STX18: variants seen among roughly 807,000 people sequenced by gnomAD.
STX18 encodes the protein syntaxin 18.
STX18 carries 40 observed loss-of-function variants against 50.1 expected under a neutral mutation model. The observed-to-expected ratio is 0.80, with a 90% CI of 0.62 to 1.04. The LOEUF is 1.04. STX18 is among the 50% of genes least tolerant of loss of function. STX18 has a pLI of 0.00. For synonymous variants in STX18, 158 were observed against 151.8 expected (o/e 1.04, Z -0.30); for missense variants, 410 against 415.8 (o/e 0.99, Z 0.12).
chr4:4,419,929 T>G lies in STX18; in HGVS notation c.*105A>C, dbSNP rs1724837985. 1.1e-6 allele frequency: 1 copy of G among 916,660 alleles called. No individual in the cohort carries two copies. The highest frequency in any genetic ancestry group is 2.7e-5 in the East Asian group (1 of 37,626). The allele number at this position is 916,660 out of a possible 1,614,324, so 56.8% of individuals were successfully genotyped here. A position where few individuals can be genotyped will look rare whatever the true frequency, so the allele number is the denominator to read the frequency against. ...GAACTCCTTTCCCTTCAAATGGCAC[T>G]GTGATAAAATCTGGTCATACCATGC... is the stretch of plus-strand genomic sequence containing the variant. On this transcript the variant is annotated 3_prime_UTR_variant, in exon 11 of 11. Coordinates refer to ENST00000306200, the MANE Select transcript of STX18 (RefSeq NM_016930.4).
At chr4:4,427,283 C>T (rs1277408837) in intron 7 of STX18, among the ~76,000 whole-genome samples, 2 of 152,222 alleles carry the variant, frequency 1.3e-5, no homozygotes, top group African/African-American at 4.8e-5. Context: ...GGAAAGCTCC[C>T]TGCAGGACCA....
chr4:4,540,956 T>G (rs967692147), intron 1 of STX18, among the ~76,000 whole-genome samples: 20 of 152,330 alleles, frequency 1.3e-4, no homozygotes, highest in African/African-American at 4.3e-4. Context: ...TTTTTATTTC[T>G]TGAAGAGGGC....
At chr4:4,437,535 A>C in intron 6 of STX18, 1 of 891,422 alleles carries the variant, frequency 1.1e-6, no homozygotes, top group Non-Finnish European at 1.3e-6. Context: ...CCCTAAATCC[A>C]AAACACTTCT....
chr4:4,466,778 C>G (rs1727640036), intron 2 of STX18, among the ~76,000 whole-genome samples: 1 of 152,170 alleles, frequency 6.6e-6, no homozygotes, highest in Admixed American at 6.5e-5. Flanking sequence ...GCTGATTTAT[C>G]AAGACAGGGG....
chr4:4,511,282 C>T (rs1394646257), intron 1 of STX18, among the ~76,000 whole-genome samples: 1 of 152,214 alleles, frequency 6.6e-6, no homozygotes, highest in African/African-American at 2.4e-5. Context: ...GCTTGTCCAG[C>T]CTACGCTAAT....
intron 1 of STX18, chr4:4,507,487 G>C: frequency 1.3e-6 from 1 of 764,308 alleles, no homozygotes; most frequent in Non-Finnish European, 2.4e-6. Context: ...TATCTTTATC[G>C]CTCAGAGGAG....
At chr4:4,446,889 C>G (rs1048465830) in intron 5 of STX18, among the ~76,000 whole-genome samples, 28 of 152,172 alleles carry the variant, frequency 1.8e-4, no homozygotes, top group Non-Finnish European at 3.7e-4. Context: ...ATGGGAACAC[C>G]TAAATGTCCA....
At position 4,504,073 on chromosome 4, in the gene STX18, A is replaced by G. The variant is rs574857797; in HGVS notation, c.169-32367T>C. The stretch of plus-strand genomic sequence containing the variant: ...CACATCTGGTAGGGAGAAAAACACT[A>G]AACACGTATTTACAAATAAAATTCT... On this transcript the variant is annotated intron_variant, in intron 1 of 10. Transcript: ENST00000306200. Among the ~76,000 whole-genome samples, 5 of 152,334 alleles carry G rather than the reference A, an allele frequency of 3.3e-5. No homozygotes were observed. In the South Asian group the frequency reaches 8.3e-4, roughly 25 times the overall value.
At chr4:4,460,556 C>T (rs1727326431) in intron 2 of STX18, among the ~76,000 whole-genome samples, 1 of 152,152 alleles carries the variant, frequency 6.6e-6, no homozygotes, top group Non-Finnish European at 1.5e-5. Context: ...ACCAGATAAG[C>T]ATCCTCTCCT....
At chr4:4,458,562 T>C (rs1010209620) in intron 3 of STX18, among the ~76,000 whole-genome samples, 1 of 152,228 alleles carries the variant, frequency 6.6e-6, no homozygotes, top group Non-Finnish European at 1.5e-5. Context: ...ACTTACTATT[T>C]AATGTACTCT....
intron 1 of STX18, among the ~76,000 whole-genome samples, chr4:4,486,784 A>G (rs1009635054): frequency 6.6e-6 from 1 of 152,238 alleles, no homozygotes; most frequent in African/African-American, 2.4e-5. Context: ...GTTCCTCAAA[A>G]TATCAACTCT....
At chr4:4,542,242 C>T (rs981209586), upstream of STX18, 3 of 362,654 alleles carry the variant, frequency 8.3e-6, no homozygotes, top group South Asian at 6.3e-5. Flanking sequence ...GCGCGGAGAG[C>T]TCAGCGAGCT....
rs946325769 is a variant in STX18 at position 4,420,549 on chromosome 4, G to A, written c.912+315C>T. 5.6e-5 allele frequency: 23 copies of A among 413,134 alleles called. No individual in the cohort carries two copies. Among genetic ancestry groups the A allele is most frequent in the Non-Finnish European group, 7.4e-5 (17 of 229,756 alleles). The allele number at this position is 413,134 out of a possible 1,614,324, so 25.6% of individuals were successfully genotyped here. A position where few individuals can be genotyped will look rare whatever the true frequency, so the allele number is the denominator to read the frequency against. On this transcript the variant is annotated intron_variant, in intron 10 of 10. Transcript: ENST00000306200. The surrounding 1 kb of genome is among the most constrained non-coding windows in gnomAD (Gnocchi z 4.3). Reference sequence around the variant, plus strand: ...AGCAGGGGCCAGGCTCTGACCCCTCGGTGGGGGCCAACGAGCTACCCATGT... The same window carrying A: ...AGCAGGGGCCAGGCTCTGACCCCTCAGTGGGGGCCAACGAGCTACCCATGT...
At chr4:4,484,070 G>A (rs887884725) in intron 1 of STX18, among the ~76,000 whole-genome samples, 46 of 152,252 alleles carry the variant, frequency 3.0e-4, no homozygotes, top group South Asian at 8.3e-4. Context: ...CACCATGTTA[G>A]CCAGGATGGT....
At chr4:4,435,273 T>C (rs552897045) in intron 6 of STX18, among the ~76,000 whole-genome samples, 1 of 152,320 alleles carries the variant, frequency 6.6e-6, no homozygotes, top group East Asian at 1.9e-4. Flanking sequence ...AAAATACATA[T>C]GCATATATAC....
At chr4:4,533,383 C>A (rs1299113382) in intron 1 of STX18, among the ~76,000 whole-genome samples, 1 of 152,144 alleles carries the variant, frequency 6.6e-6, no homozygotes. Flanking sequence ...ATGAATTCAA[C>A]AACCACATTA....
chr4:4,507,682 C>A lies in STX18; in HGVS notation c.168+34115G>T, dbSNP rs1409578749. ...TCATAAAGGTTCGTTTGGACAAAGC[C>A]CAGCAGAACAACGTGGAACACAGAC... On this transcript the variant is annotated intron_variant, in intron 1 of 10. Coordinates refer to ENST00000306200, the MANE Select transcript of STX18 (RefSeq NM_016930.4). The A allele has an allele frequency of 3.6e-6, 3 of 842,706 alleles. No homozygotes were observed. In the East Asian group the frequency reaches 7.3e-5, roughly 20 times the overall value. 52.2% of individuals were successfully genotyped at this position (842,706 alleles called of 1,614,324 possible).
rs144948131 is a variant in STX18, at chr4:4,483,467, C to T, written c.169-11761G>A. Among the ~76,000 whole-genome samples the T allele has an allele frequency of 3.8e-3, 575 of 152,330 alleles. 3 individuals carry two copies. The highest frequency in any genetic ancestry group is 0.017 in the Middle Eastern group (5 of 294). ...TCCTCCTCACTCCTTCCAGCCCCAA[C>T]TTACTAACTTCAATCTAATTAAACA... On this transcript the variant is annotated intron_variant, in intron 1 of 10. Transcript: ENST00000306200.
At chr4:4,471,517 C>A in intron 2 of STX18, 122 bp downstream of exon 2, 1 of 600,250 alleles carries the variant, frequency 1.7e-6, no homozygotes, top group African/African-American at 1.9e-5. Context: ...CACTGCCAAA[C>A]TGGTCTTCCT....
Sources: allele counts gnomAD v4.1 joint callset (sites outside exome capture counted in the v4.1 genomes callset), GRCh38; gene constraint gnomAD v4.1.1; non-coding constraint Gnocchi (gnomAD v3.1); transcripts MANE v1.5; gene names NCBI Gene and HGNC (gene_info 2026-07-23, HGNC 2026-07-21).